Variants in ULK4 observed in about 807,000 individuals in gnomAD.
ULK4 encodes the protein inactive serine/threonine-protein kinase ULK4.
In ULK4, 133 loss-of-function variants were observed where a neutral mutation model predicts 160.6. That is an observed-to-expected ratio of 0.83 (90% CI 0.72 to 0.96). ULK4 has a LOEUF of 0.96. Among genes scored for constraint, ULK4 ranks in the 40% least tolerant of loss-of-function variants. The pLI, the probability that ULK4 is intolerant of heterozygous loss-of-function variation, is 0.00. For missense variants in ULK4, 1,580 were observed against 1,499.5 expected (o/e 1.05, Z -0.89); for synonymous variants, 534 against 539.8 (o/e 0.99, Z 0.15).
intron 17 of ULK4, among the ~76,000 whole-genome samples, chr3:41,873,068 C>T (rs963643776): frequency 2.6e-5 from 4 of 152,110 alleles, no homozygotes; most frequent in Admixed American, 1.3e-4. Context: ...TAGAGAATTG[C>T]TTGAACCTGG....
chr3:41,911,599 C>T lies in ULK4; in HGVS notation c.957G>A (p.Gln319=), dbSNP rs1559645026. 1 of 1,614,048 alleles carries T rather than the reference C, an allele frequency of 6.2e-7. No individual in the cohort carries two copies. Among genetic ancestry groups the T allele is most frequent in the Non-Finnish European group, 8.5e-7 (1 of 1,180,034 alleles). Reference sequence around the variant, plus strand: ...TCTTGTGCCCTTTTGCTTGTCTACTCTGAGAGTTCTGCAAAAGCTCCTTGG... The same window carrying T: ...TCTTGTGCCCTTTTGCTTGTCTACTTTGAGAGTTCTGCAAAAGCTCCTTGG... ...QDSKELLQNS[Q]SRQAKGHKSG... Residue 319 remains glutamine, a synonymous_variant, in exon 10 of 37, where the codon CAG becomes CAA. Transcript: ENST00000301831.
intron 2 of ULK4, among the ~76,000 whole-genome samples, chr3:41,952,334 A>G (rs1700319333): frequency 6.6e-6 from 1 of 152,254 alleles, no homozygotes; most frequent in Admixed American, 6.5e-5. Flanking sequence ...GAATATATAG[A>G]GAAGTCGTAA....
At chr3:41,319,536 C>T (rs1575428512) in intron 35 of ULK4, among the ~76,000 whole-genome samples, 1 of 152,192 alleles carries the variant, frequency 6.6e-6, no homozygotes, top group African/African-American at 2.4e-5. Context: ...GAAGCCTTCA[C>T]ATTAATTGTT....
intron 21 of ULK4, 22 bp downstream of exon 21, chr3:41,789,639 A>C (rs1387524653): frequency 6.5e-7 from 1 of 1,537,768 alleles, no homozygotes; most frequent in African/African-American, 1.4e-5. Context: ...ATGTAGAGTA[A>C]CAGGTAAAAT....
intron 12 of ULK4, among the ~76,000 whole-genome samples, chr3:41,902,155 A>G (rs530937426): frequency 3.9e-5 from 6 of 152,238 alleles, no homozygotes; most frequent in Admixed American, 6.5e-5. Context: ...AAATCAGTGA[A>G]GTAAGGAATA....
chr3:41,546,563 A>G (rs1010512520), intron 32 of ULK4, among the ~76,000 whole-genome samples: 1 of 152,032 alleles, frequency 6.6e-6, no homozygotes, highest in Non-Finnish European at 1.5e-5. Flanking sequence ...TTGCTCTGTG[A>G]AAGTATAGCC....
At chr3:41,687,869 A>G (rs780506958) in intron 27 of ULK4, 4 of 152,244 alleles carry the variant, frequency 2.6e-5, no homozygotes, top group Non-Finnish European at 5.9e-5. Context: ...TCCCAAGTGC[A>G]TGTTGAGGCT....
chr3:41,411,213 C>G (rs770993880), intron 34 of ULK4, among the ~76,000 whole-genome samples: 15 of 152,116 alleles, frequency 9.9e-5, no homozygotes, highest in Non-Finnish European at 1.9e-4. Context: ...CCAGGGCACT[C>G]TATAATTGAA....
At chr3:41,958,038 T>C (rs1700543986) in intron 1 of ULK4, among the ~76,000 whole-genome samples, 1 of 81,310 alleles carries the variant, frequency 1.2e-5, no homozygotes, top group Non-Finnish European at 3.3e-5. Flanking sequence ...AGTGAGACCC[T>C]TTCTCAAAAA....
chr3:41,500,368 T>A (rs2085156239), intron 32 of ULK4, among the ~76,000 whole-genome samples: 1 of 151,852 alleles, frequency 6.6e-6, no homozygotes, highest in Admixed American at 6.6e-5. Flanking sequence ...AATGTCAGGA[T>A]CCCACTATAC....
At chr3:41,659,629 A>G (rs1173075478) in intron 30 of ULK4, among the ~76,000 whole-genome samples, 1 of 152,076 alleles carries the variant, frequency 6.6e-6, no homozygotes, top group African/African-American at 2.4e-5. Context: ...TGTCCTTTGG[A>G]GGCATAAAAT....
chr3:41,531,134 C>T (rs971631275), intron 32 of ULK4, among the ~76,000 whole-genome samples: 1 of 150,226 alleles, frequency 6.7e-6, no homozygotes, highest in Admixed American at 6.6e-5. Context: ...TTATGATACA[C>T]AGTAGTAAAG....
At chr3:41,648,230 C>T (rs1289609428) in intron 30 of ULK4, among the ~76,000 whole-genome samples, 2 of 152,144 alleles carry the variant, frequency 1.3e-5, no homozygotes, top group Admixed American at 6.5e-5. Flanking sequence ...TCTGGCACTC[C>T]CTAGTGAGAT....
intron 25 of ULK4, among the ~76,000 whole-genome samples, chr3:41,707,843 A>G (rs532753672): frequency 6.6e-6 from 1 of 152,232 alleles, no homozygotes; most frequent in East Asian, 1.9e-4. Context: ...AAAGAAAAAA[A>G]AAAAAGTCAA....
intron 2 of ULK4, among the ~76,000 whole-genome samples, chr3:41,952,445 G>A (rs988587795): frequency 6.6e-6 from 1 of 152,106 alleles, no homozygotes; most frequent in Non-Finnish European, 1.5e-5. Flanking sequence ...TATACAAATT[G>A]TCTATAAGCA....
At chr3:41,653,776 C>T (rs1215209752) in intron 30 of ULK4, among the ~76,000 whole-genome samples, 2 of 152,186 alleles carry the variant, frequency 1.3e-5, no homozygotes, top group East Asian at 3.9e-4. Context: ...CACACAAAAA[C>T]AGGCTGCAAG....
intron 21 of ULK4, among the ~76,000 whole-genome samples, chr3:41,785,578 C>T (rs1423342841): frequency 6.6e-6 from 1 of 152,058 alleles, no homozygotes; most frequent in African/African-American, 2.4e-5. Context: ...AGCGTCAATC[C>T]CGCCAAAAAA....
rs372376951 is a variant in ULK4, at chr3:41,663,701, T to C, written c.2979-2A>G. ...GGTTCTAAAAGAATGTGCTCATACC[T>C]GAAATGGTAAAGACATTTAAAAAAT... is the stretch of plus-strand genomic sequence containing the variant. On this transcript the variant is annotated splice_acceptor_variant, in intron 29 of 36. Transcript: ENST00000301831. LOFTEE classifies it high-confidence loss of function. The C allele has an allele frequency of 1.2e-6, 2 of 1,612,724 alleles. No homozygotes were observed. Among genetic ancestry groups the C allele is most frequent in the South Asian group, 1.1e-5 (1 of 91,046 alleles).
At chr3:41,382,586 G>A (rs1215431435) in intron 35 of ULK4, among the ~76,000 whole-genome samples, 1 of 151,980 alleles carries the variant, frequency 6.6e-6, no homozygotes, top group East Asian at 1.9e-4. Flanking sequence ...AGAAACTCCT[G>A]TGTTATAAAA....
Sources: gnomAD v4.1 joint callset for allele counts (sites outside exome capture counted in the v4.1 genomes callset) on GRCh38, gnomAD v4.1.1 for gene constraint, MANE v1.5 for transcripts, NCBI Gene and HGNC (gene_info 2026-07-23, HGNC 2026-07-21) for gene names.